Variants in SH3RF3 observed in about 807,000 individuals in gnomAD.
The protein encoded by SH3RF3 is E3 ubiquitin-protein ligase SH3RF3.
A neutral mutation model predicts 66.3 loss-of-function variants in SH3RF3; 29 were observed. The observed-to-expected ratio is 0.44, with a 90% CI of 0.33 to 0.60. SH3RF3 has a LOEUF of 0.60. Among genes scored for constraint, SH3RF3 ranks in the 20% least tolerant of loss-of-function variants. The probability of loss-of-function intolerance (pLI) is 0.04; values close to 1 mark genes in which losing one functional copy is unlikely to be tolerated. For synonymous variants in SH3RF3, 583 were observed against 532.0 expected, an observed-to-expected ratio of 1.10 and a Z score of -1.32; for missense variants, 1,194 against 1,190.9, an observed-to-expected ratio of 1.00 and a Z score of -0.04.
intron 2 of SH3RF3, among the ~76,000 whole-genome samples, chr2:109,365,154 A>T (rs149826231): frequency 2.4e-4 from 37 of 152,346 alleles, no homozygotes; most frequent in South Asian, 8.3e-4. Context: ...ATGCTCTGGC[A>T]TGTTTCACAG....
At chr2:109,177,762 C>T (rs923333050) in intron 1 of SH3RF3, among the ~76,000 whole-genome samples, 3 of 152,170 alleles carry the variant, frequency 2.0e-5, no homozygotes, top group South Asian at 2.1e-4. Flanking sequence ...ACTTGATCCT[C>T]TAGTAGATTT....
intron 4 of SH3RF3, among the ~76,000 whole-genome samples, chr2:109,412,308 T>G (rs1482752967): frequency 6.6e-6 from 1 of 152,198 alleles, no homozygotes; most frequent in African/African-American, 2.4e-5. Flanking sequence ...TCCAGGACAT[T>G]GGGAGGTGGA....
intron 3 of SH3RF3, among the ~76,000 whole-genome samples, chr2:109,372,721 C>T (rs1246146228): frequency 6.6e-6 from 1 of 152,162 alleles, no homozygotes; most frequent in Non-Finnish European, 1.5e-5. Context: ...CACACCATAT[C>T]CTGCCTCTCC....
At chr2:109,452,871 G>T (rs1328672101) in intron 8 of SH3RF3, among the ~76,000 whole-genome samples, 2 of 147,706 alleles carry the variant, frequency 1.4e-5, no homozygotes, top group African/African-American at 5.0e-5. Flanking sequence ...CGGGAGGCTG[G>T]TGCCAGGAGG....
At chr2:109,159,441 C>T (rs1677432159) in intron 1 of SH3RF3, among the ~76,000 whole-genome samples, 1 of 152,216 alleles carries the variant, frequency 6.6e-6, no homozygotes, top group Non-Finnish European at 1.5e-5. Flanking sequence ...AGGCCTCCTG[C>T]ATTACTGTGG....
intron 1 of SH3RF3, among the ~76,000 whole-genome samples, chr2:109,249,978 C>G (rs1015002521): frequency 1.3e-5 from 2 of 151,890 alleles, no homozygotes; most frequent in Non-Finnish European, 2.9e-5. Flanking sequence ...GCCACCGCGC[C>G]CGGCCTGCAC....
chr2:109,135,332 G>A (rs1676790990), intron 1 of SH3RF3, among the ~76,000 whole-genome samples: 3 of 152,212 alleles, frequency 2.0e-5, no homozygotes, highest in Admixed American at 2.0e-4. Context: ...AGGAGGGGAA[G>A]GGGTGGTGGG....
chr2:109,297,933 C>T (rs918424215), intron 1 of SH3RF3, among the ~76,000 whole-genome samples: 18 of 151,622 alleles, frequency 1.2e-4, no homozygotes, highest in Non-Finnish European at 2.7e-4. Context: ...ATGTGTGTTC[C>T]CCCCCCACCA....
At chr2:109,444,200 TG>T (rs1473135707) in intron 7 of SH3RF3, among the ~76,000 whole-genome samples, 1 of 152,244 alleles carries the variant, frequency 6.6e-6, no homozygotes, top group Admixed American at 6.5e-5. Flanking sequence ...CATTTTGAGC[TG>T]AATGAAATGA....
chr2:109,429,380 C>G (rs1171356808), intron 5 of SH3RF3, among the ~76,000 whole-genome samples: 1 of 152,120 alleles, frequency 6.6e-6, no homozygotes, highest in Non-Finnish European at 1.5e-5. Context: ...TCCAGTTCCC[C>G]CAGCAACCTA....
At chr2:109,464,286 A>G (rs1678281406) in intron 8 of SH3RF3, among the ~76,000 whole-genome samples, 1 of 152,214 alleles carries the variant, frequency 6.6e-6, no homozygotes, top group Admixed American at 6.5e-5. Flanking sequence ...ACACACATTC[A>G]TACATATACA....
At chr2:109,429,378 C>T (rs1677126916) in intron 5 of SH3RF3, among the ~76,000 whole-genome samples, 1 of 152,032 alleles carries the variant, frequency 6.6e-6, no homozygotes. Context: ...ATTCCAGTTC[C>T]CCCAGCAACC....
intron 1 of SH3RF3, among the ~76,000 whole-genome samples, chr2:109,258,158 C>T (rs191799721): frequency 4.6e-5 from 7 of 152,288 alleles, no homozygotes; most frequent in Non-Finnish European, 4.4e-5. Context: ...AGACTTTTAC[C>T]CCATCAACGA....
At chr2:109,174,044 GT>G (rs1677862785) in intron 1 of SH3RF3, among the ~76,000 whole-genome samples, 1 of 152,240 alleles carries the variant, frequency 6.6e-6, no homozygotes, top group African/African-American at 2.4e-5. Flanking sequence ...CAGCAGTGCG[GT>G]TTGGTGGCTG....
chr2:109,344,044 C>G (rs754502476), intron 1 of SH3RF3, among the ~76,000 whole-genome samples: 2 of 152,176 alleles, frequency 1.3e-5, no homozygotes, highest in Non-Finnish European at 2.9e-5. Context: ...ATACCCGTCC[C>G]CAGATCCTTC....
At chr2:109,300,859 A>C (rs76848713) in intron 1 of SH3RF3, among the ~76,000 whole-genome samples, 5,218 of 152,200 alleles carry the variant, frequency 0.034, 155 homozygotes, top group Non-Finnish European at 0.049. Context: ...AATCAGAACG[A>C]CTTAAAAAGC....
chr2:109,497,636 A>G (rs749086530), intron 9 of SH3RF3, among the ~76,000 whole-genome samples: 1 of 152,162 alleles, frequency 6.6e-6, no homozygotes, highest in Non-Finnish European at 1.5e-5. Flanking sequence ...CTGTGTCTAT[A>G]ACGGGGAGTA....
chr2:109,300,059 A>G (rs1409169594), intron 1 of SH3RF3, among the ~76,000 whole-genome samples: 1 of 152,188 alleles, frequency 6.6e-6, no homozygotes, highest in African/African-American at 2.4e-5. Flanking sequence ...GAGTGAATGA[A>G]CAAAGCTTAC....
chr2:109,130,084 G>T lies in SH3RF3; in HGVS notation c.544G>T (p.Ala182Ser), dbSNP rs1037612630. 68 of 1,364,572 alleles carry T rather than the reference G, an allele frequency of 5.0e-5. No individual in the cohort carries two copies. Among genetic ancestry groups the T allele is most frequent in the Admixed American group, 1.4e-4 (4 of 28,722 alleles). The allele number at this position is 1,364,572 out of a possible 1,614,324, so 84.5% of individuals were successfully genotyped here. ...CACCGCCGGCAGTCTGCGGGAGCTG[G>T]CGACCAGCAGGACCGCGCCGGCGGC... Reference protein sequence around the residue: ...GSTAGSLRELATSRTAPAAKN... With the variant: ...GSTAGSLRELSTSRTAPAAKN... The change falls in exon 1 of 10, where the codon GCG becomes TCG. Residue 182 changes from alanine to serine, a missense_variant. Ala to Ser is a moderately conservative substitution (Grantham distance 99). Coordinates refer to ENST00000309415, the MANE Select transcript of SH3RF3 (RefSeq NM_001099289.3).
Sources: gnomAD v4.1 joint callset for allele counts (sites outside exome capture counted in the v4.1 genomes callset) on GRCh38, gnomAD v4.1.1 for gene constraint, MANE v1.5 for transcripts, NCBI Gene and HGNC (gene_info 2026-07-23, HGNC 2026-07-21) for gene names.